CHMP4B: variants seen among roughly 807,000 people sequenced by gnomAD.
CHMP4B encodes SNF7 homolog associated with Alix 1.
A neutral mutation model predicts 25.1 loss-of-function variants in CHMP4B; 1 was observed. The observed-to-expected ratio is 0.04, with a 90% CI of 0.01 to 0.19. The LOEUF is 0.19. Ranked by LOEUF, CHMP4B falls within the 10% of genes least tolerant of loss-of-function variation. The pLI is 1.00. For synonymous variants in CHMP4B, 101 were observed against 115.6 expected (o/e 0.87, Z 0.81); for missense variants, 151 against 289.7 (o/e 0.52, Z 3.48).
chr20:33,848,430 C>A, intron 1 of CHMP4B, 37 bp from the exon 2 acceptor site: 1 of 1,610,028 alleles, frequency 6.2e-7, no homozygotes, highest in Non-Finnish European at 8.5e-7. Flanking sequence ...CACCCTGTGC[C>A]GGGACTCTCT....
At chr20:33,814,336 C>A (rs1336775665) in intron 1 of CHMP4B, among the ~76,000 whole-genome samples, 3 of 152,076 alleles carry the variant, frequency 2.0e-5, no homozygotes, top group Non-Finnish European at 4.4e-5. Context: ...TTCAGGAACT[C>A]AGAATTGGAA....
In CHMP4B at chr20:33,814,312, C is replaced by T. The variant is rs1299675698; in HGVS notation, c.190+2654C>T. Reference sequence around the variant, plus strand: ...ACCTTGAGAGTCAGAGATGAAAATACACTGTGTCAGCCCTTCAGGAACTCA... The same window carrying T: ...ACCTTGAGAGTCAGAGATGAAAATATACTGTGTCAGCCCTTCAGGAACTCA... On this transcript the variant is annotated intron_variant, in intron 1 of 4. Transcript: ENST00000217402. Among the ~76,000 whole-genome samples the T allele has an allele frequency of 2.0e-5, 3 of 152,178 alleles. No homozygotes were observed. The East Asian group carries it at 5.8e-4, about 29-fold the overall frequency.
At chr20:33,842,228 C>G (rs942694340) in intron 1 of CHMP4B, among the ~76,000 whole-genome samples, 1 of 152,056 alleles carries the variant, frequency 6.6e-6, no homozygotes, top group African/African-American at 2.4e-5. Context: ...TTCTTTGACA[C>G]TGGTGGTTAA....
In CHMP4B at chr20:33,811,559, G is replaced by C; in HGVS notation, c.91G>C (p.Asp31His). The C allele has an allele frequency of 6.2e-7, 1 of 1,613,114 alleles. No individual in the cohort carries two copies. Among genetic ancestry groups the C allele is most frequent in the Non-Finnish European group, 8.5e-7 (1 of 1,179,688 alleles). Reference sequence around the variant, plus strand: ...CCAGGAGGCCATCCAGCGGCTGCGGGACACGGAAGAGATGTTAAGCAAGAA... The same window carrying C: ...CCAGGAGGCCATCCAGCGGCTGCGGCACACGGAAGAGATGTTAAGCAAGAA... ...TPQEAIQRLRDTEEMLSKKQE... is the reference protein window; with the variant it reads ...TPQEAIQRLRHTEEMLSKKQE... Residue 31 changes from aspartate to histidine, a missense_variant, in exon 1 of 5, where the codon GAC becomes CAC. Coordinates refer to ENST00000217402, the MANE Select transcript of CHMP4B (RefSeq NM_176812.5).
chr20:33,847,599 T>C (rs918388333), intron 1 of CHMP4B, among the ~76,000 whole-genome samples: 4 of 152,118 alleles, frequency 2.6e-5, no homozygotes, highest in African/African-American at 9.7e-5. Flanking sequence ...GACCTTAACA[T>C]GAGGTGATCT....
chr20:33,849,261 G>A (rs1275567555), intron 2 of CHMP4B, among the ~76,000 whole-genome samples: 1 of 152,184 alleles, frequency 6.6e-6, no homozygotes, highest in Non-Finnish European at 1.5e-5. Flanking sequence ...GTAACTAAAG[G>A]CCAAGGTAAG....
intron 1 of CHMP4B, among the ~76,000 whole-genome samples, chr20:33,847,992 T>C (rs1444742397): frequency 6.6e-6 from 1 of 152,162 alleles, no homozygotes. Flanking sequence ...TGGCATAAAA[T>C]AGTACTTTGA....
At chr20:33,829,011 A>G (rs749138407) in intron 1 of CHMP4B, among the ~76,000 whole-genome samples, 4 of 152,220 alleles carry the variant, frequency 2.6e-5, no homozygotes, top group Non-Finnish European at 4.4e-5. Context: ...CTCATTCAAC[A>G]TGTTTCCCAA....
chr20:33,828,159 C>T (rs73265593), intron 1 of CHMP4B, among the ~76,000 whole-genome samples: 60 of 152,344 alleles, frequency 3.9e-4, no homozygotes, highest in African/African-American at 1.2e-3. Flanking sequence ...CTTCACAGTA[C>T]ATTCCTGTCT....
intron 1 of CHMP4B, among the ~76,000 whole-genome samples, 188 bp downstream of exon 1, chr20:33,811,846 C>T (rs1978628739): frequency 6.6e-6 from 1 of 152,096 alleles, no homozygotes; most frequent in Admixed American, 6.5e-5. Flanking sequence ...TGGACTTTTC[C>T]ATCGTCAGAC....
At chr20:33,813,761 C>T (rs1333284631) in intron 1 of CHMP4B, among the ~76,000 whole-genome samples, 1 of 152,240 alleles carries the variant, frequency 6.6e-6, no homozygotes, top group Non-Finnish European at 1.5e-5. Context: ...GAAACGGAGT[C>T]TCGCTCTGTT....
intron 1 of CHMP4B, among the ~76,000 whole-genome samples, chr20:33,845,410 C>T (rs1025181749): frequency 3.6e-4 from 54 of 151,784 alleles, no homozygotes; most frequent in Non-Finnish European, 6.2e-4. Context: ...GCAGCCTCTG[C>T]CTCCTGGGTT....
chr20:33,811,500 G>A lies in CHMP4B; in HGVS notation c.32G>A (p.Gly11Glu), dbSNP rs1978609277. MSVFGKLFGA[G>E]GGKAGKGGPT... ...GTGTTCGGGAAGCTGTTCGGGGCTG[G>A]AGGGGGTAAGGCCGGCAAGGGCGGC... Residue 11 changes from glycine to glutamate, a missense_variant, in exon 1 of 5, where the codon GGA becomes GAA. Coordinates refer to ENST00000217402, the MANE Select transcript of CHMP4B (RefSeq NM_176812.5). 1.3e-6 allele frequency: 2 copies of A among 1,594,060 alleles called. No individual in the cohort carries two copies. The highest frequency in any genetic ancestry group is 2.3e-5 in the South Asian group (2 of 88,818).
chr20:33,853,975 G>A lies in CHMP4B; in HGVS notation c.*415G>A, dbSNP rs1282387804. Reference sequence around the variant, plus strand: ...CGCACATCTCTTTGTGTACTTGTACGGTACTGGCAGAAAAGTCATTTTTCA... The same window carrying A: ...CGCACATCTCTTTGTGTACTTGTACAGTACTGGCAGAAAAGTCATTTTTCA... On this transcript the variant is annotated 3_prime_UTR_variant, in exon 5 of 5. Coordinates refer to ENST00000217402, the MANE Select transcript of CHMP4B (RefSeq NM_176812.5). 1 of 271,716 alleles carries A rather than the reference G, an allele frequency of 3.7e-6. No individual in the cohort carries two copies. The highest frequency in any genetic ancestry group is 7.3e-6 in the Non-Finnish European group (1 of 137,920). The allele number at this position is 271,716 out of a possible 1,614,324, so 16.8% of individuals were successfully genotyped here.
At chr20:33,826,791 T>G (rs1342333653) in intron 1 of CHMP4B, among the ~76,000 whole-genome samples, 1 of 152,176 alleles carries the variant, frequency 6.6e-6, no homozygotes, top group Non-Finnish European at 1.5e-5. Context: ...ATGTCAAAGG[T>G]AAGCAGGCAA....
intron 1 of CHMP4B, among the ~76,000 whole-genome samples, chr20:33,831,252 G>A (rs1979241361): frequency 6.6e-6 from 1 of 151,954 alleles, no homozygotes; most frequent in African/African-American, 2.4e-5. Flanking sequence ...GTACCACCAC[G>A]CCTGGCTATT....
At chr20:33,819,634 G>A (rs1978878364) in intron 1 of CHMP4B, among the ~76,000 whole-genome samples, 1 of 152,180 alleles carries the variant, frequency 6.6e-6, no homozygotes, top group South Asian at 2.1e-4. Flanking sequence ...CATCCCTCTG[G>A]TTGTGGTTGT....
chr20:33,844,953 G>A (rs1262465762), intron 1 of CHMP4B, among the ~76,000 whole-genome samples: 1 of 152,090 alleles, frequency 6.6e-6, no homozygotes, highest in Non-Finnish European at 1.5e-5. Context: ...TAGAGATGGG[G>A]TTTCACCGTG....
intron 1 of CHMP4B, among the ~76,000 whole-genome samples, chr20:33,839,768 A>C (rs1273855833): frequency 1.3e-5 from 2 of 152,188 alleles, no homozygotes; most frequent in Non-Finnish European, 2.9e-5. Flanking sequence ...TCTGCAAAGA[A>C]AGAACATGCC....
Sources: gnomAD v4.1 joint callset for allele counts (sites outside exome capture counted in the v4.1 genomes callset) on GRCh38, gnomAD v4.1.1 for gene constraint, MANE v1.5 for transcripts, NCBI Gene and HGNC (gene_info 2026-07-23, HGNC 2026-07-21) for gene names.